The following FHIT variants were observed in gnomAD, a reference collection of about 807,000 sequenced individuals.
FHIT encodes fragile histidine triad diadenosine triphosphatase.
FHIT carries 19 observed loss-of-function variants against 17.9 expected under a neutral mutation model. The observed-to-expected ratio is 1.06, with a 90% confidence interval of 0.74 to 1.56. The LOEUF (loss-of-function observed/expected upper bound fraction) is 1.56. Among genes scored for constraint, FHIT ranks in the 40% most tolerant of loss-of-function variants. The probability of loss-of-function intolerance (pLI) is 0.00; values close to 1 mark genes in which losing one functional copy is unlikely to be tolerated. For synonymous variants in FHIT, 81 were observed against 69.7 expected (o/e 1.16, Z -0.81); for missense variants, 248 against 189.2 (o/e 1.31, Z -1.82).
At chr3:60,229,810 T>A (rs1034195919) in intron 5 of FHIT, among the ~76,000 whole-genome samples, 3 of 152,072 alleles carry the variant, frequency 2.0e-5, no homozygotes, top group Admixed American at 6.5e-5. Flanking sequence ...CAAGTCCATA[T>A]CTCTAAAAGG....
intron 5 of FHIT, among the ~76,000 whole-genome samples, chr3:60,201,481 G>C (rs34188830): frequency 0.21 from 32,018 of 151,998 alleles, 4,557 homozygotes; most frequent in Non-Finnish European, 0.31. Context: ...CAGAGGAAGA[G>C]AGATGCTACA....
chr3:59,800,741 G>A (rs1261927275), intron 8 of FHIT, among the ~76,000 whole-genome samples: 1 of 152,152 alleles, frequency 6.6e-6, no homozygotes, highest in Non-Finnish European at 1.5e-5. Flanking sequence ...GGAAGAGAAA[G>A]GGGGTCTTAA....
chr3:59,911,719 C>A (rs899574661), intron 8 of FHIT, among the ~76,000 whole-genome samples: 2 of 152,176 alleles, frequency 1.3e-5, no homozygotes, highest in Non-Finnish European at 2.9e-5. Flanking sequence ...AAAGTTCTTT[C>A]TCAGGGGGAG....
Position 60,409,703 on chromosome 3 carries a change from G to A in FHIT, c.103+127157C>T, listed in dbSNP as rs189091713. Among the ~76,000 whole-genome samples the A allele has an allele frequency of 2.9e-3, 437 of 152,192 alleles. 1 individual carries two copies. Among genetic ancestry groups the A allele is most frequent in the Non-Finnish European group, 4.2e-3 (285 of 67,992 alleles). Reference sequence around the variant, plus strand: ...CATCTAAAGTCATACTTCCCTGAGAGAATAAGTCATTTTGGAGTTAATCAA... The same window carrying A: ...CATCTAAAGTCATACTTCCCTGAGAAAATAAGTCATTTTGGAGTTAATCAA... On this transcript the variant is annotated intron_variant, in intron 5 of 9. Coordinates refer to ENST00000492590, the MANE Select transcript of FHIT (RefSeq NM_002012.4).
intron 5 of FHIT, among the ~76,000 whole-genome samples, chr3:60,382,548 A>T (rs1392700885): frequency 6.6e-6 from 1 of 152,190 alleles, no homozygotes; most frequent in African/African-American, 2.4e-5. Context: ...TAATTTTTTT[A>T]AATGTCCATT....
At chr3:59,832,325 C>T (rs1391780569) in intron 8 of FHIT, among the ~76,000 whole-genome samples, 2 of 152,174 alleles carry the variant, frequency 1.3e-5, no homozygotes, top group Non-Finnish European at 2.9e-5. Context: ...CACCAGACGT[C>T]TTTAACTTAA....
At chr3:61,072,832 T>C (rs902371700) in intron 2 of FHIT, among the ~76,000 whole-genome samples, 3 of 152,194 alleles carry the variant, frequency 2.0e-5, no homozygotes, top group Admixed American at 1.3e-4. Flanking sequence ...AAGTCTTTTC[T>C]TTCTCTCACC....
chr3:61,204,479 G>C (rs972118844), intron 1 of FHIT, among the ~76,000 whole-genome samples: 7 of 152,092 alleles, frequency 4.6e-5, no homozygotes, highest in Non-Finnish European at 7.4e-5. Context: ...AAACAACATA[G>C]AGTAAACGCA....
intron 8 of FHIT, among the ~76,000 whole-genome samples, chr3:59,880,028 C>G (rs1213667662): frequency 6.8e-6 from 1 of 146,674 alleles, no homozygotes; most frequent in Non-Finnish European, 1.5e-5. Context: ...AGACAGAACA[C>G]AAGATAGAAA....
chr3:59,819,437 A>G (rs1173009696), intron 8 of FHIT, among the ~76,000 whole-genome samples: 5 of 152,198 alleles, frequency 3.3e-5, no homozygotes, highest in African/African-American at 1.2e-4. Context: ...GACAATTACC[A>G]GTGCTATATC....
chr3:60,822,533 G>GT (rs1260528882), intron 3 of FHIT, among the ~76,000 whole-genome samples: 42 of 152,046 alleles, frequency 2.8e-4, no homozygotes, highest in African/African-American at 9.7e-4. Context: ...AGAAACATGG[G>GT]TTTTTTTGGT....
At chr3:60,797,230 GA>G (rs781964107) in intron 4 of FHIT, among the ~76,000 whole-genome samples, 3 of 152,204 alleles carry the variant, frequency 2.0e-5, no homozygotes, top group Non-Finnish European at 4.4e-5. Flanking sequence ...ATTGCCCTAG[GA>G]AAATGTTTCT....
chr3:61,003,449 T>C (rs957813855), intron 3 of FHIT, among the ~76,000 whole-genome samples: 3 of 152,200 alleles, frequency 2.0e-5, no homozygotes, highest in Non-Finnish European at 4.4e-5. Flanking sequence ...TACTGAAACA[T>C]TAGTGATGAA....
At chr3:61,192,524 C>A (rs2038746110) in intron 2 of FHIT, among the ~76,000 whole-genome samples, 1 of 152,196 alleles carries the variant, frequency 6.6e-6, no homozygotes, top group Non-Finnish European at 1.5e-5. Context: ...ATCCCTGGGG[C>A]AGCAGGTAGA....
At chr3:60,272,418 A>G (rs896231950) in intron 5 of FHIT, among the ~76,000 whole-genome samples, 2 of 152,212 alleles carry the variant, frequency 1.3e-5, no homozygotes, top group South Asian at 4.1e-4. Flanking sequence ...GATTATAGTC[A>G]GCAAAATCAT....
At chr3:61,049,315 T>C (rs560865754) in intron 2 of FHIT, among the ~76,000 whole-genome samples, 98 of 151,954 alleles carry the variant, frequency 6.4e-4, no homozygotes, top group Non-Finnish European at 1.1e-3. Flanking sequence ...TTCCTGCCTA[T>C]GTGAACTGTA....
chr3:60,664,146 A>G (rs1553691855), intron 4 of FHIT, among the ~76,000 whole-genome samples: 1 of 152,194 alleles, frequency 6.6e-6, no homozygotes, highest in African/African-American at 2.4e-5. Flanking sequence ...AATTTTTATT[A>G]TAAATAGATG....
At chr3:61,148,059 A>C (rs2037278413) in intron 2 of FHIT, among the ~76,000 whole-genome samples, 1 of 151,722 alleles carries the variant, frequency 6.6e-6, no homozygotes, top group South Asian at 2.1e-4. Flanking sequence ...AAAAAAAAAA[A>C]CAAAAAACTA....
intron 5 of FHIT, among the ~76,000 whole-genome samples, chr3:60,209,771 C>A (rs966091335): frequency 6.6e-6 from 1 of 152,138 alleles, no homozygotes; most frequent in African/African-American, 2.4e-5. Context: ...GGAATGAGAT[C>A]ATGTCATTTG....
Sources: allele counts gnomAD v4.1 joint callset (sites outside exome capture counted in the v4.1 genomes callset), GRCh38; gene constraint gnomAD v4.1.1; transcripts MANE v1.5; gene names NCBI Gene and HGNC (gene_info 2026-07-23, HGNC 2026-07-21).